The following ECI1 variants were observed in gnomAD, a reference collection of about 807,000 sequenced individuals.
ECI1 encodes enoyl-CoA delta isomerase 1.
Under a neutral mutation model 34.2 loss-of-function variants are expected in ECI1, and 34 were observed. The observed-to-expected ratio is 1.00, with a 90% CI of 0.76 to 1.33. ECI1 has a LOEUF of 1.33. Among genes scored for constraint, ECI1 ranks in the 40% most tolerant of loss-of-function variants. ECI1 has a pLI of 0.00. For synonymous variants in ECI1, 211 were observed against 193.0 expected (o/e 1.09, Z -0.77); for missense variants, 456 against 422.2 (o/e 1.08, Z -0.70).
intron 3 of ECI1, 97 bp downstream of exon 3, chr16:2,246,762 C>G (rs923475641): frequency 6.3e-6 from 10 of 1,583,184 alleles, no homozygotes; most frequent in African/African-American, 2.7e-5. Context: ...CACACGTTGG[C>G]AGGCTCTGCC....
At chr16:2,245,235 C>T (rs965380403) in intron 3 of ECI1, among the ~76,000 whole-genome samples, 7 of 152,216 alleles carry the variant, frequency 4.6e-5, no homozygotes, top group Non-Finnish European at 1.0e-4. Flanking sequence ...CTCTGCACAA[C>T]ACGGCACGTT....
rs1336816723 is a variant in ECI1 at position 2,249,291 on chromosome 16, C to T, written c.166+2025G>A. 5.9e-5 allele frequency among the ~76,000 whole-genome samples: 9 copies of T among 151,694 alleles called. No homozygotes were observed. The East Asian group carries it at 7.9e-4, about 13-fold the overall frequency. On this transcript the variant is annotated intron_variant, in intron 2 of 6. Transcript: ENST00000301729. ...GTCTCAATCTCCTGACCTCGTGATC[C>T]GCGCACCCTGGCCTCCCAAAGTGCT...
intron 4 of ECI1, 109 bp downstream of exon 4, chr16:2,244,297 A>G: frequency 7.4e-7 from 1 of 1,349,050 alleles, no homozygotes; most frequent in Non-Finnish European, 1.0e-6. Flanking sequence ...GGCCTCTCCA[A>G]CCGTCCCCTT....
In ECI1 at chr16:2,251,507, T is replaced by A; in HGVS notation, c.52+8A>T. The A allele has an allele frequency of 1.3e-6, 2 of 1,558,056 alleles. No individual in the cohort carries two copies. Among genetic ancestry groups the A allele is most frequent in the Non-Finnish European group, 1.7e-6 (2 of 1,153,316 alleles). On this transcript the variant is annotated splice_region_variant and intron_variant, in intron 1 of 6. Coordinates refer to ENST00000301729, the MANE Select transcript of ECI1 (RefSeq NM_001919.4). The stretch of plus-strand genomic sequence containing the variant: ...CGGCCCGATCCCTGCCCACCCCGGG[T>A]TTCGCACCCGCGCGGAGCAGAACGC...
chr16:2,250,282 AAAAAG>A (rs1161061373), intron 2 of ECI1, among the ~76,000 whole-genome samples: 4 of 150,608 alleles, frequency 2.7e-5, no homozygotes, highest in African/African-American at 9.8e-5. Flanking sequence ...AAAAAAAAAA[AAAAAG>A]TCAGTTTGAA....
rs972689132 is a variant in ECI1, at chr16:2,246,743, G to C, written c.294+116C>G. 18 of 1,523,036 alleles carry C rather than the reference G, an allele frequency of 1.2e-5. No individual in the cohort carries two copies. In the East Asian group the frequency reaches 2.9e-4, roughly 25 times the overall value. The allele number at this position is 1,523,036 out of a possible 1,614,324, so 94.3% of individuals were successfully genotyped here. A position where few individuals can be genotyped will look rare whatever the true frequency, so the allele number is the denominator to read the frequency against. Reference sequence around the variant, plus strand: ...GTCCAGGGTGGTGGGGCTGCCGGCTGGCCTGTGCCACACGTTGGCAGGCTC... The same window carrying C: ...GTCCAGGGTGGTGGGGCTGCCGGCTCGCCTGTGCCACACGTTGGCAGGCTC... On this transcript the variant is annotated intron_variant, in intron 3 of 6. Coordinates refer to ENST00000301729, the MANE Select transcript of ECI1 (RefSeq NM_001919.4).
At chr16:2,245,058 G>A (rs1472380363) in intron 3 of ECI1, among the ~76,000 whole-genome samples, 1 of 152,180 alleles carries the variant, frequency 6.6e-6, no homozygotes, top group Non-Finnish European at 1.5e-5. Flanking sequence ...GTGAGCACAG[G>A]TGGAAGGGAC....
rs1233561818 is a variant in ECI1 at position 2,240,073 on chromosome 16, G to A, written c.815C>T (p.Ala272Val). Reference protein sequence around the residue: ...TASRLVTQRDADVQNFVSFIS... With the variant: ...TASRLVTQRDVDVQNFVSFIS... ...GAAGCTGACGAAGTTCTGCACGTCC[G>A]CATCGCGCTGCGTGACCAGGCGGCT... The change falls in exon 7 of 7, where the codon GCG (alanine) becomes GTG (valine). Residue 272 changes from alanine to valine, a missense_variant. Coordinates refer to ENST00000301729, the MANE Select transcript of ECI1 (RefSeq NM_001919.4). The A allele has an allele frequency of 1.9e-5, 31 of 1,613,846 alleles. No individual in the cohort carries two copies. The highest frequency in any genetic ancestry group is 1.3e-4 in the East Asian group (6 of 44,896).
At position 2,239,951 on chromosome 16, in the gene ECI1, T is replaced by G; in HGVS notation, c.*28A>C. On this transcript the variant is annotated 3_prime_UTR_variant, in exon 7 of 7. Transcript: ENST00000301729. ...TCCCTGGGACCCACAGGGGCACGTG[T>G]GGCCGTAAGCCTGTGGCAGCCCAAT... 1.2e-6 allele frequency: 2 copies of G among 1,612,648 alleles called. No homozygotes were observed. The highest frequency in any genetic ancestry group is 2.2e-5 in the East Asian group (1 of 44,872).
At chr16:2,247,094 AT>A (rs1479445959) in intron 2 of ECI1, 108 bp from the exon 3 acceptor site, 8 of 1,314,404 alleles carry the variant, frequency 6.1e-6, no homozygotes, top group African/African-American at 3.0e-5. Context: ...TGGGGGTTTT[AT>A]TTATTAATTT....
chr16:2,246,172 G>C (rs2093539826), intron 3 of ECI1, among the ~76,000 whole-genome samples: 1 of 152,164 alleles, frequency 6.6e-6, no homozygotes, highest in Non-Finnish European at 1.5e-5. Flanking sequence ...GGCGATGTTG[G>C]TAATGACACC....
Position 2,241,857 on chromosome 16 carries a change from A to AT in ECI1, c.742+1188dup, listed in dbSNP as rs34621850. 5.7e-3 allele frequency: 753 copies of AT among 131,812 alleles called. 8 individuals carry two copies. Among genetic ancestry groups the AT allele is most frequent in the East Asian group, 0.019 (87 of 4,506 alleles). 8.2% of individuals were successfully genotyped at this position (131,812 alleles called of 1,614,324 possible). ...AGGCACGTGCCATCACGCCCGGCTCATTTTTTTTTTTTTTTTTTGAGACAG... is the reference window on the plus strand; with the variant it reads ...AGGCACGTGCCATCACGCCCGGCTCATTTTTTTTTTTTTTTTTTTGAGACAG... On this transcript the variant is annotated intron_variant, in intron 6 of 6. Coordinates refer to ENST00000301729, the MANE Select transcript of ECI1 (RefSeq NM_001919.4).
chr16:2,244,543 C>T lies in ECI1; in HGVS notation c.304G>A (p.Gly102Ser). Residue 102 changes from glycine (G) to serine (S), a missense_variant, in exon 4 of 7, where the codon GGT becomes AGT. Transcript: ENST00000301729. ...RGVILTSDRP[G>S]VFSAGLDLTE... ...AGGTCCAGGCCGGCCGAGAAGACAC[C>T]CGGGCGGTCCTGCAGGGGGAGCCGG... is the stretch of plus-strand genomic sequence containing the variant. 6.3e-7 allele frequency: 1 copy of T among 1,586,234 alleles called. No homozygotes were observed.
At position 2,243,074 on chromosome 16, in the gene ECI1, T is replaced by A; in HGVS notation, c.714A>T (p.Ser238=). The A allele has an allele frequency of 6.2e-7, 1 of 1,604,530 alleles. No homozygotes were observed. The highest frequency in any genetic ancestry group is 2.2e-5 in the East Asian group (1 of 44,884). Residue 238 remains serine (S), a synonymous_variant, in exon 6 of 7, where the codon TCA becomes TCT. Transcript: ENST00000301729. ...GAATGGCCATCCACTGGGCTATCGCTGACAGCGCAGTGCTCTGCACCTGCT... is the reference window on the plus strand; with the variant it reads ...GAATGGCCATCCACTGGGCTATCGCAGACAGCGCAGTGCTCTGCACCTGCT... ...PEEQVQSTAL[S]AIAQWMAIPD...
Position 2,246,948 on chromosome 16 carries a change from T to A in ECI1, c.205A>T (p.Ser69Cys), listed in dbSNP as rs1230999362. 1 of 1,613,714 alleles carries A rather than the reference T, an allele frequency of 6.2e-7. No individual in the cohort carries two copies. The highest frequency in any genetic ancestry group is 1.3e-5 in the African/African-American group (1 of 74,904). The change falls in exon 3 of 7, where the codon AGC (serine) becomes TGC (cysteine). Residue 69 changes from serine to cysteine, a missense_variant. Coordinates refer to ENST00000301729, the MANE Select transcript of ECI1 (RefSeq NM_001919.4). ...TCCGTCAGAAACTCCAGGCTCAGGCTGTTCACTGGGGGGTTCTTGAATTTC... is the reference window on the plus strand; with the variant it reads ...TCCGTCAGAAACTCCAGGCTCAGGCAGTTCACTGGGGGGTTCTTGAATTTC... ...VMKFKNPPVN[S>C]LSLEFLTELV...
At chr16:2,247,906 ATTT>A (rs2093544004) in intron 2 of ECI1, among the ~76,000 whole-genome samples, 2 of 150,686 alleles carry the variant, frequency 1.3e-5, no homozygotes, top group Non-Finnish European at 3.0e-5. Flanking sequence ...ACGAGGTCTT[ATTT>A]TGTTGCCCAG....
chr16:2,245,472 G>A (rs576057684), intron 3 of ECI1, among the ~76,000 whole-genome samples: 2 of 152,358 alleles, frequency 1.3e-5, no homozygotes, highest in East Asian at 1.9e-4. Flanking sequence ...CGGTGCGGGT[G>A]GGCAACGCAG....
At position 2,240,130 on chromosome 16, in the gene ECI1, A is replaced by G; in HGVS notation, c.758T>C (p.Leu253Pro). The change falls in exon 7 of 7, where the codon CTG becomes CCG. Residue 253 changes from leucine (L) to proline (P), a missense_variant. Leu to Pro is a moderately conservative substitution (Grantham distance 98). Coordinates refer to ENST00000301729, the MANE Select transcript of ECI1 (RefSeq NM_001919.4). ...GGCCTTTCGCATCATGGCCTTGGTC[A>G]GCTGTCGAGCATGGTCTAAAGAGAA... is the stretch of plus-strand genomic sequence containing the variant. Reference protein sequence around the residue: ...WMAIPDHARQLTKAMMRKATA... With the variant: ...WMAIPDHARQPTKAMMRKATA... 1 of 1,613,820 alleles carries G rather than the reference A, an allele frequency of 6.2e-7. No homozygotes were observed. The highest frequency in any genetic ancestry group is 8.5e-7 in the Non-Finnish European group (1 of 1,180,028).
intron 2 of ECI1, among the ~76,000 whole-genome samples, chr16:2,249,439 A>G (rs975519515): frequency 3.5e-4 from 54 of 152,262 alleles, no homozygotes; most frequent in African/African-American, 1.3e-3. Flanking sequence ...ACATTGCAAA[A>G]TGGCTAGAAT....
Sources: gnomAD v4.1 joint callset for allele counts (sites outside exome capture counted in the v4.1 genomes callset) on GRCh38, gnomAD v4.1.1 for gene constraint, MANE v1.5 for transcripts, NCBI Gene and HGNC (gene_info 2026-07-23, HGNC 2026-07-21) for gene names.